The following GREM1 variants were observed in gnomAD, a reference collection of about 807,000 sequenced individuals.
GREM1 encodes the protein gremlin-1.
A neutral mutation model predicts 13.1 loss-of-function variants in GREM1; 6 were observed. The observed-to-expected ratio is 0.46, with a 90% CI of 0.25 to 0.91. The LOEUF is 0.91. GREM1 is among the 40% of genes least tolerant of loss of function. The pLI, the probability that GREM1 is intolerant of heterozygous loss-of-function variation, is 0.18. For missense variants in GREM1, 185 were observed against 233.9 expected (o/e 0.79, Z 1.36); for synonymous variants, 98 against 93.7 (o/e 1.05, Z -0.27).
At chr15:32,724,909 T>C (rs1253723297) in intron 1 of GREM1, among the ~76,000 whole-genome samples, 1 of 151,928 alleles carries the variant, frequency 6.6e-6, no homozygotes, top group East Asian at 1.9e-4. Context: ...TGTTCCTGTG[T>C]TAGTTTGCTG....
intron 1 of GREM1, among the ~76,000 whole-genome samples, chr15:32,722,646 A>G (rs1171901423): frequency 6.6e-6 from 1 of 152,230 alleles, no homozygotes; most frequent in African/African-American, 2.4e-5. Context: ...AGAGGTGGTT[A>G]ATATGGCTTA....
Position 32,738,583 on chromosome 15 carries a change from A to T in GREM1, c.*7338A>T, listed in dbSNP as rs901533025. On this transcript the variant is annotated 3_prime_UTR_variant, in exon 2 of 2. Transcript: ENST00000651154. ...AAGAAATTGACAAGTTAATCCTAAA[A>T]TTCATAAGAAATTGAAAGGGATCCA... 2 of 152,196 alleles carry T rather than the reference A, an allele frequency of 1.3e-5. No homozygotes were observed. Among genetic ancestry groups the T allele is most frequent in the African/African-American group, 2.4e-5 (1 of 41,444 alleles). The allele number at this position is 152,196 out of a possible 1,614,324, so 9.4% of individuals were successfully genotyped here. A position where few individuals can be genotyped will look rare whatever the true frequency, so the allele number is the denominator to read the frequency against.
At chr15:32,718,265 C>A in intron 1 of GREM1, 104 bp downstream of exon 1, 1 of 918,364 alleles carries the variant, frequency 1.1e-6, no homozygotes, top group Non-Finnish European at 1.6e-6. Flanking sequence ...CCTCCGTGCG[C>A]GCAGGCTCGG....
chr15:32,742,599 G>A lies in GREM1; in HGVS notation c.*11354G>A, dbSNP rs1183627859. The A allele has an allele frequency of 6.6e-6, 1 of 152,142 alleles. No homozygotes were observed. The highest frequency in any genetic ancestry group is 1.5e-5 in the Non-Finnish European group (1 of 68,030). 9.4% of individuals were successfully genotyped at this position (152,142 alleles called of 1,614,324 possible). A position where few individuals can be genotyped will look rare whatever the true frequency, so the allele number is the denominator to read the frequency against. The stretch of plus-strand genomic sequence containing the variant: ...TTGAAAAAGAAGAACAAAGCTGGAG[G>A]CATTATACTTCCTGATTTCAAAATA... On this transcript the variant is annotated 3_prime_UTR_variant, in exon 2 of 2. Transcript: ENST00000651154.
rs960977877 is a variant in GREM1 at position 32,731,452 on chromosome 15, C to T, written c.*207C>T. The T allele has an allele frequency of 1.1e-5, 7 of 610,818 alleles. No homozygotes were observed. The African/African-American group carries it at 1.3e-4, about 11-fold the overall frequency. 37.8% of individuals were successfully genotyped at this position (610,818 alleles called of 1,614,324 possible). ...TTTTAGACACCAGAGAAAACACAGTCTCTGCTAGAGAGCACTCCCTATTTT... is the reference window on the plus strand; with the variant it reads ...TTTTAGACACCAGAGAAAACACAGTTTCTGCTAGAGAGCACTCCCTATTTT... On this transcript the variant is annotated 3_prime_UTR_variant, in exon 2 of 2. Transcript: ENST00000651154.
chr15:32,718,232 C>T, intron 1 of GREM1, 71 bp downstream of exon 1: 1 of 1,189,942 alleles, frequency 8.4e-7, no homozygotes, highest in Non-Finnish European at 1.1e-6. Flanking sequence ...ACCCAGGACC[C>T]GCTCAGTTCC....
chr15:32,728,874 CT>C (rs2055560631), intron 1 of GREM1, among the ~76,000 whole-genome samples: 1 of 152,196 alleles, frequency 6.6e-6, no homozygotes, highest in Non-Finnish European at 1.5e-5. Context: ...TCCCTCCACA[CT>C]TTAATAATTC....
rs2055689478 is a variant in GREM1 at position 32,735,785 on chromosome 15, A to AG, written c.*4540_*4541insG. On this transcript the variant is annotated 3_prime_UTR_variant, in exon 2 of 2. Transcript: ENST00000651154. ...ATTTCAAGCTTAAGAAAAAAAAAAA[A>AG]AAGAAGAATGTGGGAGGATGTCAGC... 6.6e-6 allele frequency: 1 copy of AG among 151,506 alleles called. No individual in the cohort carries two copies. The highest frequency in any genetic ancestry group is 2.4e-5 in the African/African-American group (1 of 41,196). The allele number at this position is 151,506 out of a possible 1,614,324, so 9.4% of individuals were successfully genotyped here.
rs1289804901 is a variant in GREM1, at chr15:32,733,732, A to C, written c.*2487A>C. The C allele has an allele frequency of 4.3e-6, 1 of 230,764 alleles. No individual in the cohort carries two copies. Among genetic ancestry groups the C allele is most frequent in the African/African-American group, 2.2e-5 (1 of 44,446 alleles). The allele number at this position is 230,764 out of a possible 1,614,324, so 14.3% of individuals were successfully genotyped here. ...TGTAATGATATATTTTTTCATTATT[A>C]TAGTAGAATATTTTTATGGCAAGAT... On this transcript the variant is annotated 3_prime_UTR_variant, in exon 2 of 2. Coordinates refer to ENST00000651154, the MANE Select transcript of GREM1 (RefSeq NM_013372.7).
chr15:32,727,225 A>G (rs575913808), intron 1 of GREM1, among the ~76,000 whole-genome samples: 49 of 152,346 alleles, frequency 3.2e-4, no homozygotes, highest in African/African-American at 1.1e-3. Context: ...ATTCAGGCCA[A>G]TATCCCTGAT....
Position 32,732,610 on chromosome 15 carries a change from T to C in GREM1, c.*1365T>C. 2 of 245,266 alleles carry C rather than the reference T, an allele frequency of 8.2e-6. No homozygotes were observed. Among genetic ancestry groups the C allele is most frequent in the Non-Finnish European group, 1.7e-5 (2 of 116,314 alleles). 15.2% of individuals were successfully genotyped at this position (245,266 alleles called of 1,614,324 possible). A position where few individuals can be genotyped will look rare whatever the true frequency, so the allele number is the denominator to read the frequency against. Reference sequence around the variant, plus strand: ...CCTTTCTTTATGTGCTCACTGAGGATCTGAGGGGACCCTGTTAGGAGAGCA... The same window carrying C: ...CCTTTCTTTATGTGCTCACTGAGGACCTGAGGGGACCCTGTTAGGAGAGCA... On this transcript the variant is annotated 3_prime_UTR_variant, in exon 2 of 2. Transcript: ENST00000651154.
Position 32,735,982 on chromosome 15 carries a change from T to C in GREM1, c.*4737T>C, listed in dbSNP as rs1180922490. 2 of 152,204 alleles carry C rather than the reference T, an allele frequency of 1.3e-5. No individual in the cohort carries two copies. The highest frequency in any genetic ancestry group is 2.9e-5 in the Non-Finnish European group (2 of 68,042). 9.4% of individuals were successfully genotyped at this position (152,204 alleles called of 1,614,324 possible). ...GACTAAATCTCTGTGAGCACTGTGA[T>C]ATTGTAACTTGCACTACTCTCATCT... On this transcript the variant is annotated 3_prime_UTR_variant, in exon 2 of 2. Coordinates refer to ENST00000651154, the MANE Select transcript of GREM1 (RefSeq NM_013372.7).
At position 32,731,298 on chromosome 15, in the gene GREM1, C is replaced by G. The variant is rs1335677041; in HGVS notation, c.*53C>G. 7.0e-7 allele frequency: 1 copy of G among 1,425,184 alleles called. No individual in the cohort carries two copies. The highest frequency in any genetic ancestry group is 9.7e-7 in the Non-Finnish European group (1 of 1,027,216). 88.3% of individuals were successfully genotyped at this position (1,425,184 alleles called of 1,614,324 possible). ...CTAGGAATGCAGCCCCAGGAAGTCC[C>G]AGACCTAAAACAACCAGATTCTTAC... On this transcript the variant is annotated 3_prime_UTR_variant, in exon 2 of 2. Transcript: ENST00000651154.
rs1459689607 is a variant in GREM1 at position 32,732,277 on chromosome 15, C to G, written c.*1032C>G. The G allele has an allele frequency of 8.4e-6, 2 of 237,416 alleles. No individual in the cohort carries two copies. The highest frequency in any genetic ancestry group is 2.2e-5 in the African/African-American group (1 of 44,824). The allele number at this position is 237,416 out of a possible 1,614,324, so 14.7% of individuals were successfully genotyped here. On this transcript the variant is annotated 3_prime_UTR_variant, in exon 2 of 2. Coordinates refer to ENST00000651154, the MANE Select transcript of GREM1 (RefSeq NM_013372.7). Reference sequence around the variant, plus strand: ...CCTCAGAGGCTGAAATTCCTAATACCTTTCCTTTATCGTGGTTATAGTCAG... The same window carrying G: ...CCTCAGAGGCTGAAATTCCTAATACGTTTCCTTTATCGTGGTTATAGTCAG...
intron 1 of GREM1, among the ~76,000 whole-genome samples, chr15:32,720,465 A>T (rs1002936768): frequency 5.1e-4 from 77 of 152,320 alleles, no homozygotes; most frequent in Middle Eastern, 3.4e-3. Flanking sequence ...CATGTTCCAC[A>T]ACAGAGAGTA....
chr15:32,732,292 G>A lies in GREM1; in HGVS notation c.*1047G>A, dbSNP rs901713590. The A allele has an allele frequency of 8.0e-5, 19 of 237,732 alleles. No homozygotes were observed. The highest frequency in any genetic ancestry group is 4.2e-4 in the African/African-American group (19 of 44,826). 14.7% of individuals were successfully genotyped at this position (237,732 alleles called of 1,614,324 possible). On this transcript the variant is annotated 3_prime_UTR_variant, in exon 2 of 2. Transcript: ENST00000651154. The stretch of plus-strand genomic sequence containing the variant: ...TTCCTAATACCTTTCCTTTATCGTG[G>A]TTATAGTCAGCTCATTTCCATTCCA...
rs987879062 is a variant in GREM1, at chr15:32,743,334, G to A, written c.*12089G>A. The A allele has an allele frequency of 6.6e-6, 1 of 152,156 alleles. No individual in the cohort carries two copies. Among genetic ancestry groups the A allele is most frequent in the Non-Finnish European group, 1.5e-5 (1 of 68,032 alleles). 9.4% of individuals were successfully genotyped at this position (152,156 alleles called of 1,614,324 possible). A position where few individuals can be genotyped will look rare whatever the true frequency, so the allele number is the denominator to read the frequency against. Reference sequence around the variant, plus strand: ...AGGTATATGGATGAAACTATCTGAAGGATGAAGCCTCCATTCACAGAAAAT... The same window carrying A: ...AGGTATATGGATGAAACTATCTGAAAGATGAAGCCTCCATTCACAGAAAAT... On this transcript the variant is annotated 3_prime_UTR_variant, in exon 2 of 2. Transcript: ENST00000651154.
rs1488173583 is a variant in GREM1, at chr15:32,718,027, G to A, written c.-136G>A. ...GCACTCGGTGCGCCTTCCGCGGACC[G>A]GGCGACCCAGTGCACGGCCGCCGCG... On this transcript the variant is annotated 5_prime_UTR_variant, in exon 1 of 2. Transcript: ENST00000651154. 10 of 1,096,508 alleles carry A rather than the reference G, an allele frequency of 9.1e-6. No homozygotes were observed. The highest frequency in any genetic ancestry group is 4.9e-5 in the African/African-American group (3 of 60,694). 67.9% of individuals were successfully genotyped at this position (1,096,508 alleles called of 1,614,324 possible). A position where few individuals can be genotyped will look rare whatever the true frequency, so the allele number is the denominator to read the frequency against.
chr15:32,722,615 T>C (rs2055426575), intron 1 of GREM1, among the ~76,000 whole-genome samples: 1 of 152,182 alleles, frequency 6.6e-6, no homozygotes, highest in African/African-American at 2.4e-5. Flanking sequence ...TTGGAATACA[T>C]TGCCATGACC....
Sources: gnomAD v4.1 joint callset for allele counts (sites outside exome capture counted in the v4.1 genomes callset) on GRCh38, gnomAD v4.1.1 for gene constraint, MANE v1.5 for transcripts, NCBI Gene and HGNC (gene_info 2026-07-23, HGNC 2026-07-21) for gene names.